Variants in TBC1D5 observed in about 807,000 individuals in gnomAD.
TBC1D5 encodes TBC1 domain family member 5.
TBC1D5 carries 75 observed loss-of-function variants against 100.3 expected under a neutral mutation model. The observed-to-expected ratio is 0.75, with a 90% CI of 0.62 to 0.91. The LOEUF (loss-of-function observed/expected upper bound fraction) is 0.91, where lower values mean the gene tolerates loss of function less well. Among genes scored for constraint, TBC1D5 ranks in the 40% least tolerant of loss-of-function variants. TBC1D5 has a pLI of 0.00. For missense variants in TBC1D5, 910 were observed against 942.4 expected, an observed-to-expected ratio of 0.97 and a Z score of 0.45; for synonymous variants, 323 against 325.6, an observed-to-expected ratio of 0.99 and a Z score of 0.09.
intron 1 of TBC1D5, among the ~76,000 whole-genome samples, chr3:17,670,510 T>A (rs892841645): frequency 6.6e-6 from 1 of 152,196 alleles, no homozygotes; most frequent in Admixed American, 6.5e-5. Flanking sequence ...GGGATCTCAC[T>A]ACCTTTTAGG....
intron 3 of TBC1D5, among the ~76,000 whole-genome samples, chr3:17,492,682 A>C (rs73153057): frequency 0.08 from 12,186 of 152,134 alleles, 1,010 homozygotes; most frequent in African/African-American, 0.22. Flanking sequence ...GTGATCTGTC[A>C]ACTTTGGCCT....
chr3:17,466,075 G>A (rs1449698641), intron 3 of TBC1D5, among the ~76,000 whole-genome samples: 1 of 152,292 alleles, frequency 6.6e-6, no homozygotes, highest in Middle Eastern at 3.4e-3. Context: ...ATCTTGCGTG[G>A]CATGAAATTC....
intron 1 of TBC1D5, among the ~76,000 whole-genome samples, chr3:17,646,456 T>C (rs561087160): frequency 2.0e-5 from 3 of 152,294 alleles, no homozygotes; most frequent in African/African-American, 7.2e-5. Flanking sequence ...CCGCTACTTA[T>C]CTCTGAATAG....
intron 16 of TBC1D5, among the ~76,000 whole-genome samples, chr3:17,254,221 C>T (rs959208298): frequency 6.6e-6 from 1 of 152,124 alleles, no homozygotes; most frequent in Non-Finnish European, 1.5e-5. Context: ...TTATTTCCCT[C>T]GGATAAACAC....
At chr3:17,369,359 A>G (rs1214888255) in intron 13 of TBC1D5, among the ~76,000 whole-genome samples, 1 of 152,230 alleles carries the variant, frequency 6.6e-6, no homozygotes, top group Non-Finnish European at 1.5e-5. Context: ...GCATGTCAAA[A>G]CATACATTAA....
At chr3:17,494,564 G>A (rs565714045) in intron 3 of TBC1D5, among the ~76,000 whole-genome samples, 31 of 152,222 alleles carry the variant, frequency 2.0e-4, no homozygotes, top group Admixed American at 1.5e-3. Flanking sequence ...CCCACCAGGG[G>A]CTCCCCAGGG....
chr3:17,166,084 T>G (rs1306781540), intron 21 of TBC1D5, among the ~76,000 whole-genome samples: 1 of 151,976 alleles, frequency 6.6e-6, no homozygotes, highest in Non-Finnish European at 1.5e-5. Flanking sequence ...AGAGTAGGGG[T>G]CAGCAAACTA....
chr3:17,218,474 T>G (rs904639917), intron 17 of TBC1D5, among the ~76,000 whole-genome samples: 3 of 152,022 alleles, frequency 2.0e-5, no homozygotes, highest in Non-Finnish European at 4.4e-5. Context: ...ATCTTTTATA[T>G]TTGCCTACAC....
intron 1 of TBC1D5, among the ~76,000 whole-genome samples, chr3:17,634,041 G>C (rs2063704229): frequency 6.6e-6 from 1 of 152,200 alleles, no homozygotes; most frequent in Admixed American, 6.5e-5. Flanking sequence ...AGGTAAAATG[G>C]CTTATAGTTA....
intron 2 of TBC1D5, among the ~76,000 whole-genome samples, chr3:17,560,807 G>A (rs1354730745): frequency 6.6e-6 from 1 of 151,684 alleles, no homozygotes; most frequent in African/African-American, 2.4e-5. Context: ...TGTAATCCCA[G>A]CTACTAGGGA....
chr3:17,369,985 G>C lies in TBC1D5; in HGVS notation c.995+2090C>G, dbSNP rs764463987. On this transcript the variant is annotated intron_variant, in intron 13 of 21. Transcript: ENST00000253692. ...ATTATTGCAAGACCTGGTATTTTCA[G>C]TATTGCTGATAATGTTGGAGAGATT... Among the ~76,000 whole-genome samples the C allele has an allele frequency of 5.3e-5, 8 of 152,198 alleles. No homozygotes were observed. In the Middle Eastern group the frequency reaches 0.014, roughly 259 times the overall value.
chr3:17,511,178 G>T (rs149072799), intron 2 of TBC1D5, among the ~76,000 whole-genome samples: 4 of 152,038 alleles, frequency 2.6e-5, no homozygotes, highest in Non-Finnish European at 5.9e-5. Context: ...CAAATTAAAA[G>T]AAAAATACTG....
intron 1 of TBC1D5, among the ~76,000 whole-genome samples, chr3:17,688,273 T>C (rs1051426863): frequency 1.3e-5 from 2 of 152,132 alleles, no homozygotes; most frequent in Non-Finnish European, 2.9e-5. Flanking sequence ...TATAGCTATA[T>C]CTAGAGAGAC....
intron 1 of TBC1D5, among the ~76,000 whole-genome samples, chr3:17,708,222 A>T (rs1378436376): frequency 6.6e-6 from 1 of 152,218 alleles, no homozygotes; most frequent in Non-Finnish European, 1.5e-5. Context: ...CATAAATGAT[A>T]CCATACTGAA....
At chr3:17,461,656 G>A (rs1444935769) in intron 3 of TBC1D5, among the ~76,000 whole-genome samples, 1 of 149,626 alleles carries the variant, frequency 6.7e-6, no homozygotes, top group Non-Finnish European at 1.5e-5. Context: ...GTGTGTGCAT[G>A]TGTGAGTGTG....
intron 15 of TBC1D5, among the ~76,000 whole-genome samples, chr3:17,259,715 G>A (rs375831583): frequency 3.2e-4 from 49 of 151,868 alleles, no homozygotes; most frequent in African/African-American, 1.0e-3. Flanking sequence ...GCAGGCACGG[G>A]GGGGGTTGCG....
intron 15 of TBC1D5, among the ~76,000 whole-genome samples, chr3:17,280,731 G>A (rs868703324): frequency 2.0e-5 from 3 of 152,050 alleles, no homozygotes; most frequent in South Asian, 2.1e-4. Flanking sequence ...CAATTCAGCC[G>A]TGCGACCTGA....
chr3:17,705,862 C>T (rs2153904812), intron 1 of TBC1D5, among the ~76,000 whole-genome samples: 1 of 152,082 alleles, frequency 6.6e-6, no homozygotes, highest in Non-Finnish European at 1.5e-5. Context: ...CGGGCAGAGG[C>T]TGCAATCTCG....
At chr3:17,161,802 A>G (rs1448834167) in intron 21 of TBC1D5, among the ~76,000 whole-genome samples, 4 of 152,250 alleles carry the variant, frequency 2.6e-5, no homozygotes, top group African/African-American at 7.2e-5. Context: ...GATAGCTTTC[A>G]GAAGGCCTAA....
Sources: gnomAD v4.1 joint callset for allele counts (sites outside exome capture counted in the v4.1 genomes callset) on GRCh38, gnomAD v4.1.1 for gene constraint, MANE v1.5 for transcripts, NCBI Gene and HGNC (gene_info 2026-07-23, HGNC 2026-07-21) for gene names.